The following SUPT16H variants were observed in gnomAD, a reference collection of about 807,000 sequenced individuals.
The protein encoded by SUPT16H is FACT complex subunit SPT16.
Under a neutral mutation model 136.2 loss-of-function variants are expected in SUPT16H, and 24 were observed. The observed-to-expected ratio is 0.18, with a 90% CI of 0.13 to 0.25. The LOEUF is 0.25. Ranked by LOEUF, SUPT16H falls within the 10% of genes least tolerant of loss-of-function variation. The pLI, the probability that SUPT16H is intolerant of heterozygous loss-of-function variation, is 1.00. For synonymous variants in SUPT16H, 415 were observed against 428.2 expected (o/e 0.97, Z 0.38); for missense variants, 623 against 1,270.2 (o/e 0.49, Z 7.74).
At chr14:21,359,677 T>C in intron 18 of SUPT16H, 68 bp from the exon 19 acceptor site, 3 of 1,564,884 alleles carry the variant, frequency 1.9e-6, no homozygotes, top group Non-Finnish European at 2.6e-6. Flanking sequence ...GAAATGGCAG[T>C]GATCCAAACT....
chr14:21,362,048 AAAGTC>A, intron 15 of SUPT16H, 144 bp downstream of exon 15: 1 of 884,122 alleles, frequency 1.1e-6, no homozygotes. Context: ...AAAATAGTAC[AAAGTC>A]AAGAAGGCGA....
intron 8 of SUPT16H, among the ~76,000 whole-genome samples, chr14:21,365,409 A>G (rs1313055709): frequency 6.6e-6 from 1 of 152,164 alleles, no homozygotes; most frequent in Non-Finnish European, 1.5e-5. Context: ...TTAAACTTTA[A>G]CCTTCTACCA....
At chr14:21,382,564 T>C (rs925435061) in intron 1 of SUPT16H, among the ~76,000 whole-genome samples, 3 of 152,202 alleles carry the variant, frequency 2.0e-5, no homozygotes, top group Admixed American at 6.5e-5. Context: ...GTTCACAGTT[T>C]CAGGGTTTAT....
intron 14 of SUPT16H, among the ~76,000 whole-genome samples, 186 bp from the exon 15 acceptor site, chr14:21,362,510 C>T (rs930086996): frequency 3.9e-5 from 6 of 152,134 alleles, no homozygotes; most frequent in Admixed American, 3.3e-4. Context: ...TCTCTGAATT[C>T]TCAAAGTACC....
chr14:21,360,576 T>C (rs375551055), intron 17 of SUPT16H, 43 bp from the exon 18 acceptor site: 7 of 1,551,012 alleles, frequency 4.5e-6, no homozygotes, highest in East Asian at 2.2e-5. Context: ...ATAATTAAGT[T>C]AGGCCAAAAG....
At chr14:21,358,026 C>G (rs774795747) in intron 20 of SUPT16H, 24 bp from the exon 21 acceptor site, 60 of 1,604,084 alleles carry the variant, frequency 3.7e-5, no homozygotes, top group Non-Finnish European at 5.0e-5. Context: ...ACTTTTAAGA[C>G]TGAGCTCATC....
At chr14:21,358,904 A>T (rs926538126) in intron 19 of SUPT16H, among the ~76,000 whole-genome samples, 2 of 147,876 alleles carry the variant, frequency 1.4e-5, no homozygotes, top group African/African-American at 2.5e-5. Flanking sequence ...TCCCAGGTTC[A>T]TGCCATTCTC....
chr14:21,366,503 C>T lies in SUPT16H; in HGVS notation c.982G>A (p.Ala328Thr), dbSNP rs780339751. 1 of 1,613,860 alleles carries T rather than the reference C, an allele frequency of 6.2e-7. No individual in the cohort carries two copies. The highest frequency in any genetic ancestry group is 8.5e-7 in the Non-Finnish European group (1 of 1,179,986). ...TGCTTTTTAACCACGTCCATGACAG[C>T]GTTATACACGTCACATATCTTCACA... ...HGVKICDVYN[A>T]VMDVVKKQKP... Residue 328 changes from alanine (A) to threonine (T), a missense_variant, in exon 8 of 26, where the codon GCT becomes ACT. Transcript: ENST00000216297.
chr14:21,361,775 T>TA (rs1317618634), intron 15 of SUPT16H, among the ~76,000 whole-genome samples: 3 of 151,716 alleles, frequency 2.0e-5, no homozygotes, highest in African/African-American at 4.8e-5. Flanking sequence ...TCATAATTAT[T>TA]TTTTTTTTGA....
At chr14:21,354,389 A>C (rs770001104) in intron 23 of SUPT16H, 22 bp downstream of exon 23, 1 of 1,612,508 alleles carries the variant, frequency 6.2e-7, no homozygotes, top group Admixed American at 1.7e-5. Context: ...TGTACCAGAA[A>C]AGAAACCCCA....
chr14:21,360,553 A>C lies in SUPT16H; in HGVS notation c.2057-20T>G. ...GGAAGCCTGGGGAAAAGAATGAAGA[A>C]ATGTCAAGCAGTATAATTAAGTTAG... On this transcript the variant is annotated intron_variant, in intron 17 of 25. Coordinates refer to ENST00000216297, the MANE Select transcript of SUPT16H (RefSeq NM_007192.4). The C allele has an allele frequency of 6.3e-7, 1 of 1,593,010 alleles. No homozygotes were observed. Among genetic ancestry groups the C allele is most frequent in the Non-Finnish European group, 8.6e-7 (1 of 1,162,894 alleles).
chr14:21,356,451 T>C (rs1450884516), intron 22 of SUPT16H, among the ~76,000 whole-genome samples: 2 of 152,214 alleles, frequency 1.3e-5, no homozygotes, highest in African/African-American at 2.4e-5. Flanking sequence ...GGCCAATTAC[T>C]TGGAAGTTTT....
At chr14:21,383,370 AACT>A in intron 1 of SUPT16H, 2 of 477,772 alleles carry the variant, frequency 4.2e-6, no homozygotes, top group Admixed American at 3.8e-5. Context: ...TTCTTTTTTT[AACT>A]CCAGCAAAAG....
intron 25 of SUPT16H, 99 bp downstream of exon 25, chr14:21,353,389 A>T: frequency 8.4e-7 from 1 of 1,195,432 alleles, no homozygotes; most frequent in Non-Finnish European, 1.2e-6. Flanking sequence ...TTCTTTTGTT[A>T]CTTTCATTAC....
At chr14:21,366,264 G>C (rs937170391) in intron 8 of SUPT16H, among the ~76,000 whole-genome samples, 175 bp downstream of exon 8, 1 of 152,108 alleles carries the variant, frequency 6.6e-6, no homozygotes, top group East Asian at 1.9e-4. Context: ...TATACACTTG[G>C]GAGAACTTAA....
intron 14 of SUPT16H, 61 bp from the exon 15 acceptor site, chr14:21,362,385 G>C: frequency 6.5e-7 from 1 of 1,537,096 alleles, no homozygotes. Context: ...AGTAGTTACA[G>C]AGATGTTAAA....
chr14:21,380,921 CA>C (rs1329076557), intron 1 of SUPT16H, among the ~76,000 whole-genome samples: 3 of 151,342 alleles, frequency 2.0e-5, no homozygotes, highest in African/African-American at 7.3e-5. Flanking sequence ...AAAAGGCTGG[CA>C]ATCCCTGAAG....
At chr14:21,371,723 C>T (rs1886789223) in intron 3 of SUPT16H, 151 bp downstream of exon 3, 3 of 857,536 alleles carry the variant, frequency 3.5e-6, no homozygotes, top group Middle Eastern at 3.6e-4. Context: ...TCTTTTCCTC[C>T]TAACAATGAA....
At chr14:21,380,561 C>T (rs1348462304) in intron 1 of SUPT16H, among the ~76,000 whole-genome samples, 1 of 152,154 alleles carries the variant, frequency 6.6e-6, no homozygotes, top group African/African-American at 2.4e-5. Flanking sequence ...GAAGCACTGA[C>T]ACTTTAATTC....
Sources: allele counts gnomAD v4.1 joint callset (sites outside exome capture counted in the v4.1 genomes callset), GRCh38; gene constraint gnomAD v4.1.1; transcripts MANE v1.5; gene names NCBI Gene and HGNC (gene_info 2026-07-23, HGNC 2026-07-21).